SAMTOR: variants seen among roughly 807,000 people sequenced by gnomAD.
SAMTOR encodes the protein UPF0532 protein C7orf60.
At chr7:112,929,779 C>A in the SAMTOR span, among the ~76,000 whole-genome samples, 9 of 152,132 alleles carry the variant, frequency 5.9e-5, no homozygotes, top group East Asian at 1.7e-3. Context: ...TGAAAATGTT[C>A]TACGCCTTAT....
chr7:112,935,808 A>C, the SAMTOR span, among the ~76,000 whole-genome samples: 2 of 152,184 alleles, frequency 1.3e-5, no homozygotes, highest in Admixed American at 1.3e-4. Flanking sequence ...ATTTTTACAT[A>C]AACGCTTTAA....
chr7:112,824,646 C>G, the SAMTOR span, among the ~76,000 whole-genome samples: 1 of 152,178 alleles, frequency 6.6e-6, no homozygotes, highest in Non-Finnish European at 1.5e-5. Flanking sequence ...CAGGCATGAT[C>G]CACCACACCC....
chr7:112,861,703 T>C, the SAMTOR span, among the ~76,000 whole-genome samples: 6 of 152,340 alleles, frequency 3.9e-5, no homozygotes, highest in African/African-American at 1.4e-4. Context: ...TCATTAAATA[T>C]AAGTCAGCTA....
At chr7:112,930,180 T>C in the SAMTOR span, among the ~76,000 whole-genome samples, 15 of 152,238 alleles carry the variant, frequency 9.9e-5, no homozygotes, top group South Asian at 2.9e-3. Context: ...AAGAAACTCA[T>C]GACTAAGTGC....
chr7:112,854,639 C>T, the SAMTOR span, among the ~76,000 whole-genome samples: 2 of 152,046 alleles, frequency 1.3e-5, no homozygotes, highest in East Asian at 1.9e-4. Flanking sequence ...AGAATGTAAC[C>T]GTCTAATAGC....
At chr7:112,833,860 C>G in the SAMTOR span, among the ~76,000 whole-genome samples, 1 of 152,158 alleles carries the variant, frequency 6.6e-6, no homozygotes, top group Non-Finnish European at 1.5e-5. Flanking sequence ...CAGTGAGTGA[C>G]CATGTAATTA....
At chr7:112,865,012 T>C in the SAMTOR span, among the ~76,000 whole-genome samples, 1 of 152,132 alleles carries the variant, frequency 6.6e-6, no homozygotes, top group South Asian at 2.1e-4. Flanking sequence ...CCTTGACCTC[T>C]AAAACTGCTG....
At chr7:112,845,701 A>C in the SAMTOR span, among the ~76,000 whole-genome samples, 1 of 152,218 alleles carries the variant, frequency 6.6e-6, no homozygotes, top group African/African-American at 2.4e-5. Context: ...CTAAAGCAGA[A>C]ATACCATTTG....
At chr7:112,910,160 C>T in the SAMTOR span, among the ~76,000 whole-genome samples, 1 of 151,512 alleles carries the variant, frequency 6.6e-6, no homozygotes, top group East Asian at 1.9e-4. Context: ...ACCCCACCCC[C>T]CAAAAAAAGA....
At chr7:112,820,855 G>T in the SAMTOR span, 1 of 152,052 alleles carries the variant, frequency 6.6e-6, no homozygotes, top group East Asian at 1.9e-4. Context: ...CCCTATCAAA[G>T]TTGGTTTCAA....
At chr7:112,858,717 T>C in the SAMTOR span, among the ~76,000 whole-genome samples, 1 of 152,202 alleles carries the variant, frequency 6.6e-6, no homozygotes, top group Non-Finnish European at 1.5e-5. Flanking sequence ...CAAGGCTATT[T>C]GTACAGGGTG....
At chr7:112,920,940 TAA>T in the SAMTOR span, among the ~76,000 whole-genome samples, 4 of 151,916 alleles carry the variant, frequency 2.6e-5, no homozygotes, top group African/African-American at 9.7e-5. Context: ...CTCAAGGAAA[TAA>T]AAGAGGATAC....
chr7:112,935,699 C>T, the SAMTOR span, among the ~76,000 whole-genome samples: 1 of 151,638 alleles, frequency 6.6e-6, no homozygotes, highest in South Asian at 2.1e-4. Context: ...ATAAAATGTC[C>T]CAAAGATATT....
the SAMTOR span, among the ~76,000 whole-genome samples, chr7:112,938,531 CCTT>C: frequency 6.6e-6 from 1 of 152,174 alleles, no homozygotes; most frequent in African/African-American, 2.4e-5. Flanking sequence ...CCATAATTTT[CCTT>C]CTAATCCTAA....
the SAMTOR span, among the ~76,000 whole-genome samples, chr7:112,848,328 T>C: frequency 6.6e-6 from 1 of 152,198 alleles, no homozygotes; most frequent in African/African-American, 2.4e-5. Flanking sequence ...TCATTAAAAA[T>C]ACTTTACATG....
the SAMTOR span, among the ~76,000 whole-genome samples, chr7:112,849,177 T>G: frequency 6.6e-6 from 1 of 152,262 alleles, no homozygotes; most frequent in African/African-American, 2.4e-5. Flanking sequence ...GGTTCTTTCA[T>G]TGGTTTCTGC....
the SAMTOR span, among the ~76,000 whole-genome samples, chr7:112,937,652 T>C: frequency 9.9e-5 from 15 of 151,122 alleles, no homozygotes; most frequent in South Asian, 3.2e-3. Flanking sequence ...GCTTTGTATA[T>C]CATTCAAGCA....
chr7:112,871,241 G>A, the SAMTOR span, among the ~76,000 whole-genome samples: 5 of 152,146 alleles, frequency 3.3e-5, no homozygotes, highest in African/African-American at 4.8e-5. Flanking sequence ...CACACAGAAC[G>A]TAGTCTAAGA....
At chr7:112,833,095 T>G in the SAMTOR span, among the ~76,000 whole-genome samples, 1 of 151,158 alleles carries the variant, frequency 6.6e-6, no homozygotes, top group Non-Finnish European at 1.5e-5. Context: ...CCAACCCCCA[T>G]TTTTAAAAAA....
Sources: gnomAD v4.1 joint callset for allele counts (sites outside exome capture counted in the v4.1 genomes callset) on GRCh38, gnomAD v4.1.1 for gene constraint, MANE v1.5 for transcripts, NCBI Gene and HGNC (gene_info 2026-07-23, HGNC 2026-07-21) for gene names.